Variants in CLVS1 observed in about 807,000 individuals in gnomAD.
CLVS1 encodes the protein clavesin 1, also known as clavesin-1.
CLVS1 carries 10 observed loss-of-function variants against 33.1 expected under a neutral mutation model. The observed-to-expected ratio is 0.30, with a 90% CI of 0.19 to 0.51. The LOEUF (loss-of-function observed/expected upper bound fraction) is 0.51. CLVS1 is among the 20% of genes least tolerant of loss of function. The pLI is 0.97. For missense variants in CLVS1, 343 were observed against 433.4 expected (o/e 0.79, Z 1.85); for synonymous variants, 163 against 166.1 (o/e 0.98, Z 0.14).
chr8:61,057,937 G>A (rs1199563474), intron 1 of CLVS1, among the ~76,000 whole-genome samples: 1 of 152,210 alleles, frequency 6.6e-6, no homozygotes, highest in East Asian at 1.9e-4. Context: ...ACTCGAAAAT[G>A]TCTTTTGAAG....
At chr8:61,149,442 C>T (rs988147907) in intron 2 of CLVS1, among the ~76,000 whole-genome samples, 1 of 151,184 alleles carries the variant, frequency 6.6e-6, no homozygotes, top group African/African-American at 2.4e-5. Context: ...ATCCCAGCTA[C>T]CTGGGAGGCT....
chr8:61,037,520 A>G, the CLVS1 span, among the ~76,000 whole-genome samples: 1 of 152,180 alleles, frequency 6.6e-6, no homozygotes, highest in Non-Finnish European at 1.5e-5. Context: ...CATTTTAAAG[A>G]TCCATTCATC....
intron 2 of CLVS1, among the ~76,000 whole-genome samples, chr8:61,167,798 A>G (rs755409399): frequency 1.6e-4 from 25 of 152,280 alleles, no homozygotes; most frequent in South Asian, 8.3e-4. Context: ...TGACCATGAG[A>G]GTGACCACTG....
At chr8:61,184,949 A>G (rs1807313468) in intron 2 of CLVS1, among the ~76,000 whole-genome samples, 1 of 152,242 alleles carries the variant, frequency 6.6e-6, no homozygotes, top group Non-Finnish European at 1.5e-5. Flanking sequence ...AGAATAAGAA[A>G]ATACTACCTA....
chr8:61,144,789 C>T (rs1466091592), intron 2 of CLVS1, among the ~76,000 whole-genome samples: 1 of 152,186 alleles, frequency 6.6e-6, no homozygotes, highest in Admixed American at 6.5e-5. Context: ...TTTTGATTTG[C>T]ATTTCTCTAA....
upstream of CLVS1, among the ~76,000 whole-genome samples, chr8:61,284,915 C>T (rs1809745091): frequency 1.3e-5 from 2 of 152,110 alleles, no homozygotes; most frequent in South Asian, 2.1e-4. Flanking sequence ...GACTCACATA[C>T]ATTATGAAAG....
intron 2 of CLVS1, among the ~76,000 whole-genome samples, chr8:61,150,599 A>G (rs1029430785): frequency 3.9e-5 from 6 of 152,128 alleles, no homozygotes; most frequent in African/African-American, 1.4e-4. Context: ...AATGCAGATC[A>G]GCAGTCCAGC....
chr8:61,210,930 G>C (rs1382244339), intron 2 of CLVS1, among the ~76,000 whole-genome samples: 1 of 152,072 alleles, frequency 6.6e-6, no homozygotes, highest in African/African-American at 2.4e-5. Context: ...TACATTTTAG[G>C]GAAGAGAGGG....
At chr8:61,049,105 A>G in the CLVS1 span, among the ~76,000 whole-genome samples, 23 of 152,216 alleles carry the variant, frequency 1.5e-4, no homozygotes, top group East Asian at 9.6e-4. Context: ...CATACACTGA[A>G]AGTAAACTGT....
intron 1 of CLVS1, among the ~76,000 whole-genome samples, chr8:61,061,977 C>T (rs1250267086): frequency 6.6e-6 from 1 of 152,060 alleles, no homozygotes; most frequent in Non-Finnish European, 1.5e-5. Context: ...GGAAGGGTCT[C>T]TGTGAACCCA....
intron 5 of CLVS1, among the ~76,000 whole-genome samples, chr8:61,489,773 C>T (rs1330082984): frequency 1.3e-5 from 2 of 152,048 alleles, no homozygotes; most frequent in Admixed American, 6.6e-5. Context: ...AGACTGATTT[C>T]GATATGTCAA....
At chr8:61,264,553 TA>T (rs35572865) in intron 2 of CLVS1, 40,115 of 152,002 alleles carry the variant, frequency 0.26, 6,406 homozygotes, top group Non-Finnish European at 0.34. Context: ...GGTTTCGCCC[TA>T]AAAGGGCAGG....
chr8:61,443,373 G>A (rs1297539625), intron 3 of CLVS1, among the ~76,000 whole-genome samples: 1 of 151,926 alleles, frequency 6.6e-6, no homozygotes, highest in Non-Finnish European at 1.5e-5. Flanking sequence ...TGGTTTTATT[G>A]CATTTAAATT....
At chr8:61,463,268 G>A (rs1012510880) in intron 5 of CLVS1, among the ~76,000 whole-genome samples, 1 of 152,174 alleles carries the variant, frequency 6.6e-6, no homozygotes, top group African/African-American at 2.4e-5. Context: ...TGTTGCGGCT[G>A]GTTTGATCAT....
In CLVS1 at chr8:61,272,788, G is replaced by A. The variant is rs549518721; in HGVS notation, c.-151-26889G>A. ...CCCTTTCTTCCAGTTGATCACATCG[G>A]CTCCTGAGGCTTCTGCATTCTTCAC... On this transcript the variant is annotated intron_variant, in intron 2 of 2. Coordinates refer to the CLVS1 transcript ENST00000522621. 3.9e-5 allele frequency among the ~76,000 whole-genome samples: 6 copies of A among 152,130 alleles called. No homozygotes were observed. The East Asian group carries it at 1.2e-3, about 29-fold the overall frequency.
chr8:61,500,705 A>G lies in CLVS1; in HGVS notation c.*1163A>G, dbSNP rs964418763. On this transcript the variant is annotated 3_prime_UTR_variant, in exon 6 of 6. Coordinates refer to ENST00000325897, the MANE Select transcript of CLVS1 (RefSeq NM_173519.3). ...TTTTCCAAGACCAGTGCATATTTTTAGACATCTCTTATTCGCCCAGCCATC... is the reference window on the plus strand; with the variant it reads ...TTTTCCAAGACCAGTGCATATTTTTGGACATCTCTTATTCGCCCAGCCATC... 2 of 152,236 alleles carry G rather than the reference A, an allele frequency of 1.3e-5. No individual in the cohort carries two copies. Among genetic ancestry groups the G allele is most frequent in the African/African-American group, 4.8e-5 (2 of 41,452 alleles). The allele number at this position is 152,236 out of a possible 1,614,324, so 9.4% of individuals were successfully genotyped here. A position where few individuals can be genotyped will look rare whatever the true frequency, so the allele number is the denominator to read the frequency against.
intron 2 of CLVS1, among the ~76,000 whole-genome samples, chr8:61,256,518 C>CA (rs756998804): frequency 6.6e-6 from 1 of 151,460 alleles, no homozygotes; most frequent in Non-Finnish European, 1.5e-5. Context: ...GTCTCAAAAA[C>CA]AAAAAACAAA....
intron 2 of CLVS1, among the ~76,000 whole-genome samples, chr8:61,237,265 C>G (rs1040064283): frequency 6.6e-6 from 1 of 151,964 alleles, no homozygotes; most frequent in African/African-American, 2.4e-5. Context: ...GTTGGTAGTG[C>G]CTGTAAGGGC....
chr8:61,203,733 T>G (rs1786991848), intron 2 of CLVS1, among the ~76,000 whole-genome samples: 1 of 152,200 alleles, frequency 6.6e-6, no homozygotes, highest in Non-Finnish European at 1.5e-5. Context: ...AACTTCCAAT[T>G]GATTATCTTA....
Sources: gnomAD v4.1 joint callset for allele counts (sites outside exome capture counted in the v4.1 genomes callset) on GRCh38, gnomAD v4.1.1 for gene constraint, MANE v1.5 for transcripts, NCBI Gene and HGNC (gene_info 2026-07-23, HGNC 2026-07-21) for gene names.